LRCH1: variants seen among roughly 807,000 people sequenced by gnomAD.
The protein encoded by LRCH1 is leucine-rich repeat and calponin homology domain-containing protein 1.
In LRCH1, 23 loss-of-function variants were observed where a neutral mutation model predicts 94.9. That is an observed-to-expected ratio of 0.24 (90% CI 0.17 to 0.34). The LOEUF (loss-of-function observed/expected upper bound fraction) is 0.34, where lower values mean the gene tolerates loss of function less well. Among genes scored for constraint, LRCH1 ranks in the 10% least tolerant of loss-of-function variants. LRCH1 has a pLI of 1.00. For missense variants in LRCH1, 790 were observed against 945.9 expected (o/e 0.84, Z 2.16); for synonymous variants, 364 against 354.9 (o/e 1.03, Z -0.29).
intron 1 of LRCH1, among the ~76,000 whole-genome samples, chr13:46,562,528 A>T (rs1322341088): frequency 2.6e-5 from 4 of 152,196 alleles, no homozygotes; most frequent in Non-Finnish European, 4.4e-5. Flanking sequence ...GGACCCACCC[A>T]TAGGACCTCA....
intron 4 of LRCH1, among the ~76,000 whole-genome samples, chr13:46,684,907 GAGTA>G (rs1224072661): frequency 1.3e-5 from 2 of 152,246 alleles, no homozygotes; most frequent in African/African-American, 4.8e-5. Context: ...TAACGTAGCT[GAGTA>G]AAGTGAAGAC....
chr13:46,571,384 T>C (rs1402599498), intron 1 of LRCH1, among the ~76,000 whole-genome samples: 1 of 152,226 alleles, frequency 6.6e-6, no homozygotes, highest in Non-Finnish European at 1.5e-5. Flanking sequence ...TGATGCACAT[T>C]AGCATGAGTG....
rs556942481 is a variant in LRCH1 at position 46,721,155 on chromosome 13, T to C, written c.1760-2066T>C. 1.1e-4 allele frequency among the ~76,000 whole-genome samples: 16 copies of C among 152,294 alleles called. No homozygotes were observed. In the East Asian group the frequency reaches 3.1e-3, roughly 29 times the overall value. Reference sequence around the variant, plus strand: ...CTCACATAGGGCTCTAATAAGGCAATGTGGTGTTGAACAAAAGCTCATGGT... The same window carrying C: ...CTCACATAGGGCTCTAATAAGGCAACGTGGTGTTGAACAAAAGCTCATGGT... On this transcript the variant is annotated intron_variant, in intron 16 of 19. Coordinates refer to ENST00000389797, the MANE Select transcript of LRCH1 (RefSeq NM_001164211.2).
Position 46,588,582 on chromosome 13 carries a change from TTC to T in LRCH1, c.307+34889_307+34890del, listed in dbSNP as rs373354153. On this transcript the variant is annotated intron_variant, in intron 1 of 19. Transcript: ENST00000389797. ...TAATTAACATGGTGCTGTATTTCGT[TTC>T]TCTCTCTCTGTCTTTTTTTTTTTTT... Among the ~76,000 whole-genome samples the T allele has an allele frequency of 7.4e-5, 11 of 148,022 alleles. No individual in the cohort carries two copies. The South Asian group carries it at 2.3e-3, about 31-fold the overall frequency.
chr13:46,736,017 G>A (rs370971363), intron 19 of LRCH1, among the ~76,000 whole-genome samples: 17 of 151,902 alleles, frequency 1.1e-4, no homozygotes, highest in South Asian at 8.3e-4. Context: ...GGCTGGTCGC[G>A]AACTCCTGAC....
Position 46,573,845 on chromosome 13 carries a change from A to AATATATATATATATATATAT in LRCH1, c.307+20145_307+20164dup, listed in dbSNP as rs1555269134. 3.7e-3 allele frequency among the ~76,000 whole-genome samples: 291 copies of AATATATATATATATATATAT among 77,812 alleles called. 10 individuals are homozygous for AATATATATATATATATATAT. Among genetic ancestry groups the AATATATATATATATATATAT allele is most frequent in the Non-Finnish European group, 5.5e-3 (216 of 39,194 alleles). 51.0% of individuals were successfully genotyped at this position (77,812 alleles called of 152,430 possible). A position where few individuals can be genotyped will look rare whatever the true frequency, so the allele number is the denominator to read the frequency against. On this transcript the variant is annotated intron_variant, in intron 1 of 19. Transcript: ENST00000389797. ...TAGCACAACAGGGTGACTATAGTCA[A>AATATATATATATATATATAT]ATATATATATATATATATATATTTT...
At chr13:46,737,391 T>C (rs1240388842) in intron 19 of LRCH1, among the ~76,000 whole-genome samples, 1 of 152,246 alleles carries the variant, frequency 6.6e-6, no homozygotes, top group Non-Finnish European at 1.5e-5. Flanking sequence ...TGAGCCACTG[T>C]GCCCAACCCT....
chr13:46,579,276 ACT>A (rs1227519061), intron 1 of LRCH1, among the ~76,000 whole-genome samples: 1 of 151,958 alleles, frequency 6.6e-6, no homozygotes, highest in Non-Finnish European at 1.5e-5. Flanking sequence ...ACACAGTTTA[ACT>A]CTGGCTCTGT....
intron 17 of LRCH1, among the ~76,000 whole-genome samples, chr13:46,724,960 C>G (rs773299766): frequency 1.3e-5 from 2 of 152,130 alleles, no homozygotes; most frequent in Non-Finnish European, 2.9e-5. Flanking sequence ...AACCCAGGCT[C>G]GCATCAACAA....
chr13:46,705,657 C>T, intron 13 of LRCH1: 1 of 389,394 alleles, frequency 2.6e-6, no homozygotes. Context: ...GATTTTAGAG[C>T]CAAGAAAAGG....
intron 1 of LRCH1, among the ~76,000 whole-genome samples, chr13:46,597,538 G>T (rs1336164567): frequency 4.6e-5 from 7 of 152,052 alleles, no homozygotes. Context: ...TATATTTTTA[G>T]TAGAGACAGG....
intron 18 of LRCH1, among the ~76,000 whole-genome samples, chr13:46,733,080 C>T (rs549665240): frequency 1.3e-5 from 2 of 152,270 alleles, no homozygotes; most frequent in African/African-American, 4.8e-5. Context: ...CTCACATGAG[C>T]AGGATAAGGC....
chr13:46,632,090 C>A (rs556650397), intron 1 of LRCH1, among the ~76,000 whole-genome samples: 3 of 152,078 alleles, frequency 2.0e-5, no homozygotes, highest in Non-Finnish European at 4.4e-5. Flanking sequence ...GTAGTCCCAG[C>A]TACTCAGGAG....
At chr13:46,732,879 C>CG (rs1873182909) in intron 18 of LRCH1, among the ~76,000 whole-genome samples, 1 of 152,192 alleles carries the variant, frequency 6.6e-6, no homozygotes, top group Non-Finnish European at 1.5e-5. Context: ...TTAGGGCCCA[C>CG]GTGAGGGACG....
At chr13:46,729,394 A>AAT (rs1322536370) in intron 18 of LRCH1, among the ~76,000 whole-genome samples, 7 of 151,794 alleles carry the variant, frequency 4.6e-5, no homozygotes, top group African/African-American at 1.7e-4. Context: ...AAATATGAAA[A>AAT]ATACAAAATT....
At chr13:46,736,252 C>T (rs1873380246) in intron 19 of LRCH1, among the ~76,000 whole-genome samples, 1 of 151,836 alleles carries the variant, frequency 6.6e-6, no homozygotes, top group Non-Finnish European at 1.5e-5. Flanking sequence ...AACAGTTGAA[C>T]TTCTTTAATG....
chr13:46,662,565 A>G (rs1259267161), intron 2 of LRCH1, among the ~76,000 whole-genome samples: 4 of 152,244 alleles, frequency 2.6e-5, no homozygotes, highest in African/African-American at 9.6e-5. Flanking sequence ...AGCACAAAAT[A>G]GGCCTTGATC....
chr13:46,688,500 C>T (rs1457346012), intron 6 of LRCH1, among the ~76,000 whole-genome samples: 1 of 152,194 alleles, frequency 6.6e-6, no homozygotes, highest in African/African-American at 2.4e-5. Flanking sequence ...CATCCTAGAG[C>T]TTCTTGTGGC....
chr13:46,736,517 T>A (rs1391730531), intron 19 of LRCH1, among the ~76,000 whole-genome samples: 7 of 152,148 alleles, frequency 4.6e-5, no homozygotes, highest in Non-Finnish European at 1.0e-4. Context: ...CAATTGATGA[T>A]TTACACTGAA....
Sources: gnomAD v4.1 joint callset for allele counts (sites outside exome capture counted in the v4.1 genomes callset) on GRCh38, gnomAD v4.1.1 for gene constraint, MANE v1.5 for transcripts, NCBI Gene and HGNC (gene_info 2026-07-23, HGNC 2026-07-21) for gene names.